SDK1: variants seen among roughly 807,000 people sequenced by gnomAD.
SDK1 encodes the protein sidekick cell adhesion molecule 1.
A neutral mutation model predicts 245.5 loss-of-function variants in SDK1; 157 were observed. The observed-to-expected ratio is 0.64, with a 90% CI of 0.56 to 0.73. SDK1 has a LOEUF of 0.73. Among genes scored for constraint, SDK1 ranks in the 30% least tolerant of loss-of-function variants. The pLI, the probability that SDK1 is intolerant of heterozygous loss-of-function variation, is 0.00. For synonymous variants in SDK1, 1,647 were observed against 1,278.5 expected, an observed-to-expected ratio of 1.29 and a Z score of -6.15; for missense variants, 3,583 against 3,002.3, an observed-to-expected ratio of 1.19 and a Z score of -4.52.
chr7:4,147,774 G>A (rs965853137), intron 29 of SDK1, among the ~76,000 whole-genome samples: 6 of 152,148 alleles, frequency 3.9e-5, no homozygotes, highest in Non-Finnish European at 5.9e-5. Flanking sequence ...CAGGGCTGTC[G>A]GCTTCTCAGG....
intron 1 of SDK1, among the ~76,000 whole-genome samples, chr7:3,604,792 G>T (rs1442982122): frequency 6.6e-6 from 1 of 151,550 alleles, no homozygotes; most frequent in Non-Finnish European, 1.5e-5. Context: ...AGGTGAGACA[G>T]GGTTTCTCCA....
chr7:3,473,673 A>C (rs2128599337), intron 1 of SDK1, among the ~76,000 whole-genome samples: 1 of 124,712 alleles, frequency 8.0e-6, no homozygotes, highest in South Asian at 3.0e-4. Context: ...ATACATCTTG[A>C]ATTATTTTTT....
At chr7:3,673,842 G>A (rs1783800610) in intron 4 of SDK1, among the ~76,000 whole-genome samples, 3 of 152,178 alleles carry the variant, frequency 2.0e-5, no homozygotes, top group Admixed American at 2.0e-4. Flanking sequence ...TCATAAAACT[G>A]AGTTCTAAGT....
intron 1 of SDK1, among the ~76,000 whole-genome samples, chr7:3,542,346 A>T (rs1254222512): frequency 6.6e-6 from 1 of 152,178 alleles, no homozygotes; most frequent in Non-Finnish European, 1.5e-5. Flanking sequence ...TACATTTCAG[A>T]AGGGTCCTTT....
intron 5 of SDK1, among the ~76,000 whole-genome samples, chr7:3,914,577 A>G (rs1486489710): frequency 1.3e-5 from 2 of 152,210 alleles, no homozygotes; most frequent in African/African-American, 4.8e-5. Flanking sequence ...CGCTGAAACC[A>G]TGAAGCTAGG....
intron 1 of SDK1, among the ~76,000 whole-genome samples, chr7:3,618,556 G>A (rs1341705544): frequency 6.6e-6 from 1 of 152,160 alleles, no homozygotes; most frequent in Non-Finnish European, 1.5e-5. Context: ...AGTTTCCTGT[G>A]TTGTATCCCA....
intron 1 of SDK1, among the ~76,000 whole-genome samples, chr7:3,351,713 T>G (rs1780664702): frequency 6.6e-6 from 1 of 152,092 alleles, no homozygotes; most frequent in Non-Finnish European, 1.5e-5. Flanking sequence ...TGGTAAAAGG[T>G]TCAGTTCAGA....
chr7:3,307,954 A>G (rs962790617), intron 1 of SDK1, among the ~76,000 whole-genome samples: 5 of 152,154 alleles, frequency 3.3e-5, no homozygotes, highest in African/African-American at 1.2e-4. Context: ...GTAACTCCAT[A>G]TGTCTTAGCT....
chr7:3,634,757 CT>C (rs1283554364), intron 2 of SDK1, among the ~76,000 whole-genome samples: 2 of 152,102 alleles, frequency 1.3e-5, no homozygotes, highest in African/African-American at 4.8e-5. Flanking sequence ...ATATTTTTTC[CT>C]TGGTGAGACA....
At chr7:4,084,544 C>G (rs1279374413) in intron 22 of SDK1, among the ~76,000 whole-genome samples, 1 of 152,158 alleles carries the variant, frequency 6.6e-6, no homozygotes, top group East Asian at 1.9e-4. Context: ...GGTGGATCTC[C>G]TCGCTCCCAG....
At chr7:3,602,716 A>G (rs1245257172) in intron 1 of SDK1, among the ~76,000 whole-genome samples, 1 of 151,968 alleles carries the variant, frequency 6.6e-6, no homozygotes, top group Non-Finnish European at 1.5e-5. Context: ...TTTTGTTGCC[A>G]TTGCTTTTGG....
intron 41 of SDK1, among the ~76,000 whole-genome samples, chr7:4,234,379 C>T (rs568340169): frequency 2.0e-5 from 3 of 152,276 alleles, no homozygotes; most frequent in African/African-American, 7.2e-5. Context: ...CGAGAGCACC[C>T]GTGTTAGATG....
chr7:4,181,468 A>G (rs1273560251), intron 35 of SDK1, among the ~76,000 whole-genome samples: 2 of 152,192 alleles, frequency 1.3e-5, no homozygotes, highest in Non-Finnish European at 2.9e-5. Context: ...AGGCAGTTGC[A>G]GAGGCTACAG....
chr7:4,145,653 TG>T, intron 28 of SDK1, 68 bp from the exon 29 acceptor site: 1 of 1,388,744 alleles, frequency 7.2e-7, no homozygotes, highest in Non-Finnish European at 9.9e-7. Context: ...GCACAGGGTG[TG>T]GGCACAGGGC....
intron 13 of SDK1, chr7:3,974,793 C>G (rs1340371347): frequency 1.1e-5 from 5 of 438,262 alleles, no homozygotes; most frequent in Middle Eastern, 1.2e-3. Flanking sequence ...TTCAGTTGAT[C>G]CTTTTTGTCA....
chr7:3,621,283 G>A (rs1256385604), intron 2 of SDK1, among the ~76,000 whole-genome samples: 2 of 152,118 alleles, frequency 1.3e-5, no homozygotes, highest in African/African-American at 4.8e-5. Context: ...TGGAGTTCAG[G>A]GACTTGCTCT....
At chr7:3,670,320 C>A (rs371821821) in intron 4 of SDK1, among the ~76,000 whole-genome samples, 235 of 152,110 alleles carry the variant, frequency 1.5e-3, no homozygotes, top group African/African-American at 5.5e-3. Context: ...TTTTTTCTTC[C>A]ATCTCTTTCC....
At chr7:3,368,904 T>C (rs1324832850) in intron 1 of SDK1, among the ~76,000 whole-genome samples, 2 of 151,126 alleles carry the variant, frequency 1.3e-5, no homozygotes, top group Non-Finnish European at 2.9e-5. Context: ...ATTATATAAA[T>C]AAAGAGCAAG....
chr7:4,240,369 T>TG (rs146102261), intron 42 of SDK1, among the ~76,000 whole-genome samples: 2,814 of 152,260 alleles, frequency 0.018, 85 homozygotes, highest in African/African-American at 0.063. Flanking sequence ...AAACCTCTGT[T>TG]GTGATGGCCT....
Sources: allele counts gnomAD v4.1 joint callset (sites outside exome capture counted in the v4.1 genomes callset), GRCh38; gene constraint gnomAD v4.1.1; transcripts MANE v1.5; gene names NCBI Gene and HGNC (gene_info 2026-07-23, HGNC 2026-07-21).